STK10: variants seen among roughly 807,000 people sequenced by gnomAD.
The protein encoded by STK10 is serine/threonine kinase 10, also known as serine/threonine-protein kinase 10.
STK10 carries 78 observed loss-of-function variants against 113.8 expected under a neutral mutation model. The ratio of observed to expected loss-of-function variants is 0.69; its 90% CI spans 0.57 to 0.83. The LOEUF (loss-of-function observed/expected upper bound fraction) is 0.83, where lower values mean the gene tolerates loss of function less well. Among genes scored for constraint, STK10 ranks in the 40% least tolerant of loss-of-function variants. The probability of loss-of-function intolerance (pLI) is 0.00; values close to 1 mark genes in which losing one functional copy is unlikely to be tolerated. For missense variants in STK10, 1,109 were observed against 1,280.1 expected (o/e 0.87, Z 2.04); for synonymous variants, 465 against 494.7 (o/e 0.94, Z 0.80).
At chr5:172,134,616 A>G (rs946925599) in intron 2 of STK10, among the ~76,000 whole-genome samples, 3 of 152,154 alleles carry the variant, frequency 2.0e-5, no homozygotes, top group Non-Finnish European at 4.4e-5. Context: ...GGACAGTATC[A>G]AGAAAGTAAA....
intron 2 of STK10, among the ~76,000 whole-genome samples, chr5:172,150,048 A>C (rs1770183918): frequency 3.0e-5 from 1 of 32,920 alleles, no homozygotes; most frequent in African/African-American, 6.6e-4. Context: ...ACTTTGTCTC[A>C]AAAAAAAAAA....
chr5:172,119,898 AAT>A, intron 3 of STK10, among the ~76,000 whole-genome samples: 1 of 151,372 alleles, frequency 6.6e-6, no homozygotes, highest in East Asian at 1.9e-4. Context: ...ATAAACAAAT[AAT>A]TCCCTCTAGC....
chr5:172,162,870 G>A lies in STK10; in HGVS notation c.157-6082C>T, dbSNP rs2113824530. ...CAGGTGGGGACCATTTTCCAGGAGT[G>A]CACAAACCTTGCCTTGCCCACCATC... On this transcript the variant is annotated intron_variant, in intron 1 of 18. Coordinates refer to ENST00000176763, the MANE Select transcript of STK10 (RefSeq NM_005990.4). Among the ~76,000 whole-genome samples, 4 of 152,322 alleles carry A rather than the reference G, an allele frequency of 2.6e-5. No homozygotes were observed. In the Middle Eastern group the frequency reaches 0.014, roughly 518 times the overall value.
intron 12 of STK10, among the ~76,000 whole-genome samples, chr5:172,075,642 T>C (rs10475566): frequency 0.21 from 32,063 of 152,092 alleles, 4,383 homozygotes; most frequent in African/African-American, 0.38. Context: ...ATCGTGCCAT[T>C]GCACTCCAGC....
chr5:172,101,257 G>C (rs1768983029), intron 7 of STK10, among the ~76,000 whole-genome samples: 2 of 151,916 alleles, frequency 1.3e-5, no homozygotes, highest in African/African-American at 4.8e-5. Context: ...GATCTCCCCA[G>C]GTCAGGAGTT....
chr5:172,150,452 G>T (rs1264930460), intron 2 of STK10, among the ~76,000 whole-genome samples: 1 of 150,146 alleles, frequency 6.7e-6, no homozygotes, highest in Non-Finnish European at 1.5e-5. Context: ...CTGCACTCCA[G>T]CCTGGGCAAC....
intron 2 of STK10, among the ~76,000 whole-genome samples, chr5:172,149,986 G>A (rs1156725725): frequency 6.9e-6 from 1 of 145,516 alleles, no homozygotes; most frequent in East Asian, 2.0e-4. Flanking sequence ...GGCAGAGGTT[G>A]CAGGGAGCCG....
In STK10 at chr5:172,043,126, G is replaced by A. The variant is rs928508210; in HGVS notation, c.*1756C>T. The stretch of plus-strand genomic sequence containing the variant: ...TTTTTTTTTTGAGAGACAGAGTCTC[G>A]CCCTGTCACCTAGGCTGGAGTGCAG... On this transcript the variant is annotated 3_prime_UTR_variant, in exon 19 of 19. Coordinates refer to ENST00000176763, the MANE Select transcript of STK10 (RefSeq NM_005990.4). 1.4e-4 allele frequency: 20 copies of A among 143,564 alleles called. No individual in the cohort carries two copies. Among genetic ancestry groups the A allele is most frequent in the African/African-American group, 3.2e-4 (12 of 37,956 alleles). 8.9% of individuals were successfully genotyped at this position (143,564 alleles called of 1,614,324 possible). A position where few individuals can be genotyped will look rare whatever the true frequency, so the allele number is the denominator to read the frequency against.
At chr5:172,050,300 T>TA (rs1034234691) in intron 18 of STK10, among the ~76,000 whole-genome samples, 1 of 152,206 alleles carries the variant, frequency 6.6e-6, no homozygotes, top group Non-Finnish European at 1.5e-5. Context: ...GATGGCTGTC[T>TA]AGAGATCCTG....
At chr5:172,090,935 TAAAAAAAAAAAAAAA>T (rs547251159) in intron 9 of STK10, among the ~76,000 whole-genome samples, 3 of 46,142 alleles carry the variant, frequency 6.5e-5, no homozygotes, top group Non-Finnish European at 7.7e-5. Context: ...ACTCCGTCTC[TAAAAAAAAAAAAAAA>T]AAAAAAAAAA....
At chr5:172,131,095 G>A (rs1264174684) in intron 2 of STK10, among the ~76,000 whole-genome samples, 3 of 145,102 alleles carry the variant, frequency 2.1e-5, no homozygotes, top group Middle Eastern at 3.3e-3. Context: ...GTGCAGTGGC[G>A]CGATCTTGGC....
At chr5:172,051,629 TAAAA>T (rs1767630090) in intron 18 of STK10, among the ~76,000 whole-genome samples, 1 of 151,852 alleles carries the variant, frequency 6.6e-6, no homozygotes, top group African/African-American at 2.4e-5. Flanking sequence ...GTCTCTAAAA[TAAAA>T]AATAAAATAA....
At chr5:172,163,855 G>C (rs1283648426) in intron 1 of STK10, among the ~76,000 whole-genome samples, 1 of 152,030 alleles carries the variant, frequency 6.6e-6, no homozygotes, top group Non-Finnish European at 1.5e-5. Flanking sequence ...TCTAGAAGTG[G>C]GTAGGGACTC....
At chr5:172,179,866 ACT>A (rs969760135) in intron 1 of STK10, among the ~76,000 whole-genome samples, 1 of 151,994 alleles carries the variant, frequency 6.6e-6, no homozygotes, top group Non-Finnish European at 1.5e-5. Context: ...AAAGGAGAAG[ACT>A]CTGGCTCAGG....
chr5:172,104,309 C>G (rs915097706), intron 7 of STK10, among the ~76,000 whole-genome samples: 1 of 152,194 alleles, frequency 6.6e-6, no homozygotes. Context: ...TGCAAATGAC[C>G]GGGCAAGTGC....
At chr5:172,178,266 A>G (rs891359620) in intron 1 of STK10, among the ~76,000 whole-genome samples, 2 of 152,166 alleles carry the variant, frequency 1.3e-5, no homozygotes, top group Non-Finnish European at 2.9e-5. Context: ...CCCCATCCTC[A>G]GGCCACATCA....
At chr5:172,171,762 G>GAATAGAATAGAATAGAATAGA (rs1770668890) in intron 1 of STK10, among the ~76,000 whole-genome samples, 1 of 86,874 alleles carries the variant, frequency 1.2e-5, no homozygotes, top group South Asian at 3.3e-4. Context: ...AATAGAATAG[G>GAATAGAATAGAATAGAATAGA]CTGGGTCCAG....
chr5:172,161,056 G>C (rs1055501490), intron 1 of STK10, among the ~76,000 whole-genome samples: 1 of 152,314 alleles, frequency 6.6e-6, no homozygotes, highest in African/African-American at 2.4e-5. Context: ...AGTCTAGCTA[G>C]AGAGACACAG....
rs1769801433 is a variant in STK10, at chr5:172,133,697, G to C, written c.322-6276C>G. Among the ~76,000 whole-genome samples the C allele has an allele frequency of 6.6e-6, 1 of 152,220 alleles. No homozygotes were observed. Among genetic ancestry groups the C allele is most frequent in the Non-Finnish European group, 1.5e-5 (1 of 68,046 alleles). On this transcript the variant is annotated intron_variant, in intron 2 of 18. Coordinates refer to ENST00000176763, the MANE Select transcript of STK10 (RefSeq NM_005990.4). This position sits in a 1 kb window ranked among gnomAD's most constrained non-coding sequence, Gnocchi z 4.9. The stretch of plus-strand genomic sequence containing the variant: ...AAGCTAATACACAGAGGAAGACAGA[G>C]AGAATCACAGGAAAACGGAGAACAA...
Sources: gnomAD v4.1 joint callset for allele counts (sites outside exome capture counted in the v4.1 genomes callset) on GRCh38, gnomAD v4.1.1 for gene constraint, Gnocchi (gnomAD v3.1) non-coding constraint, MANE v1.5 for transcripts, NCBI Gene and HGNC (gene_info 2026-07-23, HGNC 2026-07-21) for gene names.